Variants in MCC observed in about 807,000 individuals in gnomAD.
The protein encoded by MCC is MCC regulator of Wnt signaling pathway.
A neutral mutation model predicts 116.2 loss-of-function variants in MCC; 90 were observed. The ratio of observed to expected loss-of-function variants is 0.77; its 90% CI spans 0.65 to 0.92. The LOEUF (loss-of-function observed/expected upper bound fraction) is 0.92. Among genes scored for constraint, MCC ranks in the 40% least tolerant of loss-of-function variants. The pLI, the probability that MCC is intolerant of heterozygous loss-of-function variation, is 0.00. For missense variants in MCC, 1,516 were observed against 1,312.2 expected (o/e 1.16, Z -2.40); for synonymous variants, 578 against 510.5 (o/e 1.13, Z -1.78).
Position 113,053,739 on chromosome 5 carries a change from G to A in MCC, c.2434C>T (p.Leu812Phe). ...DLENAVLMQE[L>F]MAMKEEMAEL... ...CCACCACATACCTTCATGGCCATGA[G>A]CTCCTGCATAAGCACTGCGTTTTCC... is the stretch of plus-strand genomic sequence containing the variant. The change falls in exon 15 of 19, where the codon CTC (leucine) becomes TTC (phenylalanine). Residue 812 changes from leucine (L) to phenylalanine (F), a missense_variant. Coordinates refer to ENST00000408903, the MANE Select transcript of MCC (RefSeq NM_001085377.2). 1.9e-6 allele frequency: 3 copies of A among 1,607,534 alleles called. No homozygotes were observed. The highest frequency in any genetic ancestry group is 1.7e-5 in the Admixed American group (1 of 59,920).
At chr5:113,054,689 A>T (rs1752697164) in intron 14 of MCC, among the ~76,000 whole-genome samples, 1 of 152,238 alleles carries the variant, frequency 6.6e-6, no homozygotes, top group Non-Finnish European at 1.5e-5. Flanking sequence ...TTCACAGGAT[A>T]GTCTGAGTAT....
chr5:113,339,437 G>A (rs1767954274), intron 3 of MCC, among the ~76,000 whole-genome samples: 1 of 140,520 alleles, frequency 7.1e-6, no homozygotes, highest in African/African-American at 2.9e-5. Context: ...GTGTGTGTGT[G>A]TGCGTGCATG....
rs531274645 is a variant in MCC, at chr5:113,045,010, C to T, written c.2656-1380G>A. On this transcript the variant is annotated intron_variant, in intron 16 of 18. Coordinates refer to ENST00000408903, the MANE Select transcript of MCC (RefSeq NM_001085377.2). Reference sequence around the variant, plus strand: ...TTGAGTGCTCTTCCCTCTGCCATGCCCTCCACCTGGGCCGCCTTCCACCTC... The same window carrying T: ...TTGAGTGCTCTTCCCTCTGCCATGCTCTCCACCTGGGCCGCCTTCCACCTC... Among the ~76,000 whole-genome samples, 10 of 152,324 alleles carry T rather than the reference C, an allele frequency of 6.6e-5. No individual in the cohort carries two copies. In the East Asian group the frequency reaches 1.7e-3, roughly 26 times the overall value.
chr5:113,043,271 TAACAG>T (rs1279241664), intron 17 of MCC, among the ~76,000 whole-genome samples: 2 of 152,116 alleles, frequency 1.3e-5, no homozygotes, highest in Admixed American at 6.6e-5. Flanking sequence ...TGCAACAACA[TAACAG>T]AAAAGGAAAG....
chr5:113,043,711 T>A, intron 16 of MCC, 81 bp from the exon 17 acceptor site: 1 of 993,570 alleles, frequency 1.0e-6, no homozygotes, highest in Non-Finnish European at 1.6e-6. Flanking sequence ...GCGCGGTAGG[T>A]GGCTCGTGCA....
At chr5:113,152,934 A>G (rs1452370990) in intron 3 of MCC, among the ~76,000 whole-genome samples, 1 of 152,212 alleles carries the variant, frequency 6.6e-6, no homozygotes, top group African/African-American at 2.4e-5. Context: ...GGTTTCAGAT[A>G]CAACGTTTTG....
chr5:113,044,055 C>T (rs1751911403), intron 16 of MCC, among the ~76,000 whole-genome samples: 2 of 152,316 alleles, frequency 1.3e-5, no homozygotes. Flanking sequence ...AGGATTCAAA[C>T]CCAAGCTGTG....
intron 3 of MCC, among the ~76,000 whole-genome samples, chr5:113,167,946 G>C (rs935574250): frequency 3.9e-5 from 6 of 152,074 alleles, no homozygotes; most frequent in Non-Finnish European, 5.9e-5. Flanking sequence ...ATCCTTAAAA[G>C]AAACCAAAAT....
chr5:113,250,326 G>A (rs1432055269), intron 3 of MCC, among the ~76,000 whole-genome samples: 6 of 152,180 alleles, frequency 3.9e-5, no homozygotes, highest in Admixed American at 1.3e-4. Flanking sequence ...AACGTCCAAC[G>A]TGGGAAAACT....
chr5:113,440,516 C>T (rs1771004243), intron 1 of MCC, among the ~76,000 whole-genome samples: 1 of 151,482 alleles, frequency 6.6e-6, no homozygotes, highest in Non-Finnish European at 1.5e-5. Context: ...ATTCTCAATG[C>T]ACAATGCTCT....
At chr5:113,266,664 A>C (rs1765429159) in intron 3 of MCC, among the ~76,000 whole-genome samples, 1 of 152,190 alleles carries the variant, frequency 6.6e-6, no homozygotes, top group Admixed American at 6.5e-5. Flanking sequence ...TATAGGCGTG[A>C]GCCACCACAT....
At chr5:113,408,031 A>G (rs1031478475) in intron 1 of MCC, among the ~76,000 whole-genome samples, 4 of 150,210 alleles carry the variant, frequency 2.7e-5, no homozygotes, top group African/African-American at 1.0e-4. Flanking sequence ...GAAGAAGGGA[A>G]CAGAGGAAAA....
intron 14 of MCC, among the ~76,000 whole-genome samples, chr5:113,060,398 C>G (rs59811806): frequency 0.011 from 1,697 of 152,206 alleles, 37 homozygotes; most frequent in African/African-American, 0.038. Flanking sequence ...CATGATCTGC[C>G]CGCCTCAGCC....
At chr5:113,327,186 T>C (rs529445653) in intron 3 of MCC, among the ~76,000 whole-genome samples, 8 of 152,170 alleles carry the variant, frequency 5.3e-5, no homozygotes, top group African/African-American at 1.9e-4. Flanking sequence ...AAGTATCAAA[T>C]AGAAACTCCT....
chr5:113,484,220 C>T (rs1772455301), intron 1 of MCC, among the ~76,000 whole-genome samples: 3 of 152,000 alleles, frequency 2.0e-5, no homozygotes, highest in Admixed American at 1.3e-4. Context: ...TACAACAAAC[C>T]CCCACGACAC....
At chr5:113,191,055 C>A (rs541878069) in intron 3 of MCC, among the ~76,000 whole-genome samples, 8 of 152,314 alleles carry the variant, frequency 5.3e-5, no homozygotes, top group Non-Finnish European at 1.0e-4. Context: ...ATATAGATGA[C>A]TTAAAATGAA....
At chr5:113,073,987 T>C (rs1444811943) in intron 11 of MCC, among the ~76,000 whole-genome samples, 1 of 152,216 alleles carries the variant, frequency 6.6e-6, no homozygotes, top group Non-Finnish European at 1.5e-5. Flanking sequence ...GCAGACAACT[T>C]CTGCAGACTT....
At position 113,282,974 on chromosome 5, in the gene MCC, C is replaced by A. The variant is rs564120659; in HGVS notation, c.627+57545G>T. On this transcript the variant is annotated intron_variant, in intron 3 of 18. Transcript: ENST00000408903. ...GAAAACTGTTACTCTTCAAATGTCA[C>A]AGACATAATTCTTAACTCTGTGCCT... is the stretch of plus-strand genomic sequence containing the variant. Among the ~76,000 whole-genome samples, 40 of 152,304 alleles carry A rather than the reference C, an allele frequency of 2.6e-4. No homozygotes were observed. In the East Asian group the frequency reaches 6.9e-3, roughly 26 times the overall value.
chr5:113,337,595 C>G (rs1347627890), intron 3 of MCC, among the ~76,000 whole-genome samples: 1 of 152,122 alleles, frequency 6.6e-6, no homozygotes, highest in African/African-American at 2.4e-5. Context: ...TTTCTTTACC[C>G]TTAGTAGGTA....
Sources: gnomAD v4.1 joint callset for allele counts (sites outside exome capture counted in the v4.1 genomes callset) on GRCh38, gnomAD v4.1.1 for gene constraint, MANE v1.5 for transcripts, NCBI Gene and HGNC (gene_info 2026-07-23, HGNC 2026-07-21) for gene names.